Variants in ARHGAP42 observed in about 807,000 individuals in gnomAD.
ARHGAP42 encodes rho GTPase-activating protein 42.
Under a neutral mutation model 125.0 loss-of-function variants are expected in ARHGAP42, and 63 were observed. The observed-to-expected ratio is 0.50, with a 90% CI of 0.41 to 0.62. The LOEUF (loss-of-function observed/expected upper bound fraction) is 0.62, where lower values mean the gene tolerates loss of function less well. Among genes scored for constraint, ARHGAP42 ranks in the 20% least tolerant of loss-of-function variants. ARHGAP42 has a pLI of 0.00. For synonymous variants in ARHGAP42, 339 were observed against 351.0 expected (o/e 0.97, Z 0.38); for missense variants, 766 against 1,024.2 (o/e 0.75, Z 3.44).
chr11:100,692,781 A>G (rs1861212972), intron 1 of ARHGAP42, among the ~76,000 whole-genome samples: 1 of 152,204 alleles, frequency 6.6e-6, no homozygotes, highest in Non-Finnish European at 1.5e-5. Flanking sequence ...ATACGCTGCT[A>G]TGATACATTT....
chr11:100,941,665 C>A, intron 8 of ARHGAP42, 119 bp from the exon 9 acceptor site: 1 of 572,866 alleles, frequency 1.7e-6, no homozygotes, highest in Non-Finnish European at 3.0e-6. Flanking sequence ...GTAAATGTTA[C>A]AAACTAGCAT....
intron 3 of ARHGAP42, among the ~76,000 whole-genome samples, chr11:100,833,599 T>G (rs547365509): frequency 2.3e-4 from 35 of 152,324 alleles, no homozygotes; most frequent in African/African-American, 7.9e-4. Context: ...TTTGAGCATT[T>G]CTTACTGCAT....
Position 100,687,852 on chromosome 11 carries a change from G to T in ARHGAP42, c.154+20G>T. 1.9e-6 allele frequency: 3 copies of T among 1,538,660 alleles called. No individual in the cohort carries two copies. The highest frequency in any genetic ancestry group is 2.6e-6 in the Non-Finnish European group (3 of 1,139,008). ...TGAGGAGTAAGTAGGGCTGGCGGGG[G>T]AGTGGACACCCGCATCTGGAGAGTC... On this transcript the variant is annotated intron_variant, in intron 1 of 23. Coordinates refer to ENST00000298815, the MANE Select transcript of ARHGAP42 (RefSeq NM_152432.4).
chr11:100,956,886 A>G (rs1282742078), intron 12 of ARHGAP42, among the ~76,000 whole-genome samples: 2 of 152,110 alleles, frequency 1.3e-5, no homozygotes, highest in Non-Finnish European at 2.9e-5. Context: ...CTGTTCAAAA[A>G]ACAACACTTG....
intron 22 of ARHGAP42, 107 bp downstream of exon 22, chr11:100,979,156 G>A (rs1858467782): frequency 1.8e-6 from 2 of 1,126,722 alleles, no homozygotes; most frequent in African/African-American, 1.6e-5. Context: ...TTATGCAGAT[G>A]GTCAAATTTA....
chr11:100,716,027 A>G (rs1335955241), intron 1 of ARHGAP42, among the ~76,000 whole-genome samples: 6 of 152,228 alleles, frequency 3.9e-5, no homozygotes, highest in Non-Finnish European at 5.9e-5. Context: ...TGAAGCAGAA[A>G]TGAATAATCT....
intron 4 of ARHGAP42, among the ~76,000 whole-genome samples, chr11:100,882,494 C>A (rs1338762782): frequency 6.6e-6 from 1 of 151,432 alleles, no homozygotes; most frequent in Non-Finnish European, 1.5e-5. Context: ...ATTCGGTTAG[C>A]CAGTATTTTT....
At chr11:100,987,650 G>A in intron 23 of ARHGAP42, 58 bp downstream of exon 23, 1 of 1,444,218 alleles carries the variant, frequency 6.9e-7, no homozygotes, top group Non-Finnish European at 9.5e-7. Flanking sequence ...TGAAGGAATA[G>A]TATGGTGGTA....
chr11:100,700,683 A>G (rs1340719595), intron 1 of ARHGAP42, among the ~76,000 whole-genome samples: 1 of 152,212 alleles, frequency 6.6e-6, no homozygotes, highest in African/African-American at 2.4e-5. Flanking sequence ...GATTGCAGCA[A>G]TTCAGTCACA....
At chr11:100,952,370 T>G (rs1313375422) in intron 12 of ARHGAP42, among the ~76,000 whole-genome samples, 1 of 152,186 alleles carries the variant, frequency 6.6e-6, no homozygotes, top group Non-Finnish European at 1.5e-5. Flanking sequence ...TTTCAACACC[T>G]AGCAACTTTT....
chr11:100,729,163 C>G (rs1861914098), intron 1 of ARHGAP42, among the ~76,000 whole-genome samples: 1 of 152,016 alleles, frequency 6.6e-6, no homozygotes, highest in African/African-American at 2.4e-5. Context: ...TACTTTTAGG[C>G]TACTCTTAAC....
At chr11:100,752,599 TG>T (rs1862485120) in intron 1 of ARHGAP42, among the ~76,000 whole-genome samples, 2 of 152,210 alleles carry the variant, frequency 1.3e-5, no homozygotes. Context: ...AGGCTGGTGC[TG>T]GGTAATGTCT....
chr11:100,941,773 C>A lies in ARHGAP42; in HGVS notation c.833-11C>A. On this transcript the variant is annotated splice_polypyrimidine_tract_variant and intron_variant, in intron 8 of 23. Coordinates refer to ENST00000298815, the MANE Select transcript of ARHGAP42 (RefSeq NM_152432.4). ...AACAAAATCTGAAATTTTTTTGTTT[C>A]CTTACATTAGGACCGCTTGGTTTTA... 1.4e-6 allele frequency: 2 copies of A among 1,470,918 alleles called. No individual in the cohort carries two copies. Among genetic ancestry groups the A allele is most frequent in the South Asian group, 2.7e-5 (2 of 73,486 alleles). The allele number at this position is 1,470,918 out of a possible 1,614,324, so 91.1% of individuals were successfully genotyped here. A position where few individuals can be genotyped will look rare whatever the true frequency, so the allele number is the denominator to read the frequency against.
At chr11:100,736,073 A>T (rs967577380) in intron 1 of ARHGAP42, among the ~76,000 whole-genome samples, 1 of 152,212 alleles carries the variant, frequency 6.6e-6, no homozygotes, top group Non-Finnish European at 1.5e-5. Context: ...TTTTTCAAAA[A>T]AATCATGGCC....
At chr11:100,879,295 G>C (rs920513186) in intron 4 of ARHGAP42, among the ~76,000 whole-genome samples, 1 of 152,102 alleles carries the variant, frequency 6.6e-6, no homozygotes, top group Non-Finnish European at 1.5e-5. Flanking sequence ...TATTTGGGGG[G>C]TTATCCTTGG....
chr11:100,749,664 C>T (rs767414764), intron 1 of ARHGAP42, among the ~76,000 whole-genome samples: 67 of 152,280 alleles, frequency 4.4e-4, no homozygotes, highest in Middle Eastern at 3.4e-3. Context: ...TTCCGATAGG[C>T]GTACCGATAT....
chr11:100,954,665 C>A (rs1408096042), intron 12 of ARHGAP42, among the ~76,000 whole-genome samples: 1 of 152,080 alleles, frequency 6.6e-6, no homozygotes, highest in Non-Finnish European at 1.5e-5. Context: ...GCCATATAAT[C>A]CCCTGATCTT....
intron 1 of ARHGAP42, among the ~76,000 whole-genome samples, chr11:100,745,536 A>C (rs1862282274): frequency 6.6e-6 from 1 of 152,128 alleles, no homozygotes; most frequent in Non-Finnish European, 1.5e-5. Flanking sequence ...TTACTGAACC[A>C]CTTTTCTAGC....
chr11:100,857,673 T>TA (rs1393736431), intron 3 of ARHGAP42, among the ~76,000 whole-genome samples: 2 of 152,124 alleles, frequency 1.3e-5, no homozygotes, highest in African/African-American at 4.8e-5. Context: ...CCAATTCTGA[T>TA]ACGTTACTAA....
Sources: allele counts gnomAD v4.1 joint callset (sites outside exome capture counted in the v4.1 genomes callset), GRCh38; gene constraint gnomAD v4.1.1; transcripts MANE v1.5; gene names NCBI Gene and HGNC (gene_info 2026-07-23, HGNC 2026-07-21).